FAM180B: variants seen among roughly 807,000 people sequenced by gnomAD.
FAM180B encodes the protein family with sequence similarity 180 member B.
FAM180B carries 14 observed loss-of-function variants against 13.6 expected under a neutral mutation model. The ratio of observed to expected loss-of-function variants is 1.03; its 90% CI spans 0.68 to 1.60. The LOEUF (loss-of-function observed/expected upper bound fraction) is 1.60. Ranked by LOEUF, FAM180B falls within the 40% of genes most tolerant of loss-of-function variation. The pLI is 0.00. For synonymous variants in FAM180B, 109 were observed against 97.0 expected, an observed-to-expected ratio of 1.12 and a Z score of -0.72; for missense variants, 212 against 230.4, an observed-to-expected ratio of 0.92 and a Z score of 0.52.
Position 47,588,284 on chromosome 11 carries a change from A to G in FAM180B, c.402A>G (p.Ala134=). The G allele has an allele frequency of 6.5e-7, 1 of 1,537,118 alleles. No homozygotes were observed. Among genetic ancestry groups the G allele is most frequent in the Non-Finnish European group, 8.7e-7 (1 of 1,146,876 alleles). Residue 134 remains alanine, a synonymous_variant, in exon 3 of 3, where the codon GCA becomes GCG. Coordinates refer to ENST00000538490, the MANE Select transcript of FAM180B (RefSeq NM_001164379.3). ...TGLSCVYRLH[A]ASEAEERGRW... ...TGTCCTGCGTCTACCGGCTCCACGC[A>G]GCTAGTGAGGCTGAGGAACGGGGCC...
rs2097273061 is a variant in FAM180B at position 47,588,503 on chromosome 11, C to T, written c.*69C>T. 1 of 717,494 alleles carries T rather than the reference C, an allele frequency of 1.4e-6. No individual in the cohort carries two copies. The highest frequency in any genetic ancestry group is 2.3e-6 in the Non-Finnish European group (1 of 443,174). The allele number at this position is 717,494 out of a possible 1,614,324, so 44.4% of individuals were successfully genotyped here. The stretch of plus-strand genomic sequence containing the variant: ...TCCTCCTCAACCCCCCAGGCAGACC[C>T]ATCTTGCGCAGGGGCTTCTGTCTGG... On this transcript the variant is annotated 3_prime_UTR_variant, in exon 3 of 3. Coordinates refer to ENST00000538490, the MANE Select transcript of FAM180B (RefSeq NM_001164379.3).
At position 47,588,350 on chromosome 11, in the gene FAM180B, C is replaced by A. The variant is rs766910815; in HGVS notation, c.468C>A (p.Leu156=). 211 of 1,536,600 alleles carry A rather than the reference C, an allele frequency of 1.4e-4. No homozygotes were observed. The highest frequency in any genetic ancestry group is 1.8e-4 in the Non-Finnish European group (201 of 1,146,510). Residue 156 remains leucine, a synonymous_variant, in exon 3 of 3, where the codon CTC becomes CTA. Transcript: ENST00000538490. ...QVFALLAQET[L]WDLCKGFCPQ... Reference sequence around the variant, plus strand: ...TCGCTCTCCTGGCACAGGAAACACTCTGGGACCTGTGCAAAGGTTTCTGCC... The same window carrying A: ...TCGCTCTCCTGGCACAGGAAACACTATGGGACCTGTGCAAAGGTTTCTGCC...
rs184213461 is a variant in FAM180B, at chr11:47,588,314, G to A, written c.432G>A (p.Trp144Ter). 3 of 1,537,084 alleles carry A rather than the reference G, an allele frequency of 2.0e-6. No homozygotes were observed. The African/African-American group carries it at 4.1e-5, about 21-fold the overall frequency. ...GTGAGGCTGAGGAACGGGGCCGCTG[G>A]GCCCAGGTCTTCGCTCTCCTGGCAC... is the stretch of plus-strand genomic sequence containing the variant. Reference protein sequence around the residue: ...AASEAEERGRWAQVFALLAQE... With the variant: ...AASEAEERGR Residue 144 changes from tryptophan to a stop codon, truncating the protein, a stop_gained, in exon 3 of 3, where the codon TGG (tryptophan) becomes TGA (stop). Transcript: ENST00000538490. LOFTEE classifies it high-confidence loss of function.
Position 47,588,140 on chromosome 11 carries a change from G to C in FAM180B, c.258G>C (p.Leu86=). 1 of 1,537,206 alleles carries C rather than the reference G, an allele frequency of 6.5e-7. No homozygotes were observed. Among genetic ancestry groups the C allele is most frequent in the East Asian group, 2.4e-5 (1 of 40,914 alleles). ...CAGGCCGCCGACTCAGACTCCTCCT[G>C]CAGCACCACGTGCCCAGTGACTTGG... ...THPGRRLRLL[L]QHHVPSDLEG... Residue 86 remains leucine (L), a synonymous_variant, in exon 3 of 3, where the codon CTG becomes CTC. Coordinates refer to ENST00000538490, the MANE Select transcript of FAM180B (RefSeq NM_001164379.3).
At chr11:47,587,690 G>C (rs1401105645) in intron 1 of FAM180B, 61 bp from the exon 2 acceptor site, 1 of 1,243,022 alleles carries the variant, frequency 8.0e-7, no homozygotes, top group Non-Finnish European at 1.1e-6. Context: ...GGGCACTTCT[G>C]GGAGGCTGGG....
rs1565946672 is a variant in FAM180B, at chr11:47,588,723, T to TGA, written c.*290_*291insAG. 5.1e-6 allele frequency: 1 copy of TGA among 196,894 alleles called. No individual in the cohort carries two copies. The highest frequency in any genetic ancestry group is 9.6e-6 in the Non-Finnish European group (1 of 103,940). The allele number at this position is 196,894 out of a possible 1,614,324, so 12.2% of individuals were successfully genotyped here. On this transcript the variant is annotated 3_prime_UTR_variant, in exon 3 of 3. Transcript: ENST00000538490. ...CTTGCAGGCAGTGTGTGTGTGAGTG[T>TGA]GTGTGTGTGTGTGTGTGTGTGTGTG...
rs1050833039 is a variant in FAM180B, at chr11:47,588,739, T to A, written c.*305T>A. 1.2e-4 allele frequency: 32 copies of A among 269,906 alleles called. No individual in the cohort carries two copies. The highest frequency in any genetic ancestry group is 2.0e-4 in the Non-Finnish European group (29 of 146,144). 16.7% of individuals were successfully genotyped at this position (269,906 alleles called of 1,614,324 possible). A position where few individuals can be genotyped will look rare whatever the true frequency, so the allele number is the denominator to read the frequency against. On this transcript the variant is annotated 3_prime_UTR_variant, in exon 3 of 3. Coordinates refer to ENST00000538490, the MANE Select transcript of FAM180B (RefSeq NM_001164379.3). Reference sequence around the variant, plus strand: ...GTGTGAGTGTGTGTGTGTGTGTGTGTGTGTGTGTGTGTGTGTGGAGATCAG... The same window carrying A: ...GTGTGAGTGTGTGTGTGTGTGTGTGAGTGTGTGTGTGTGTGTGGAGATCAG...
Position 47,586,844 on chromosome 11 carries a change from C to T in FAM180B, c.76C>T (p.Pro26Ser), listed in dbSNP as rs1362694937. 1 of 1,536,162 alleles carries T rather than the reference C, an allele frequency of 6.5e-7. No individual in the cohort carries two copies. The highest frequency in any genetic ancestry group is 8.7e-7 in the Non-Finnish European group (1 of 1,146,030). ...CCTCTCTGGTGTGACTACAACCCAG[C>T]CCCATGCAGGTACCAGGCTTCAGGG... The part of the protein sequence containing the change: ...CLLSGVTTTQ[P>S]HAGQPMDSTS... The change falls in exon 1 of 3, where the codon CCC becomes TCC. Residue 26 changes from proline (P) to serine (S), a missense_variant. Transcript: ENST00000538490.
Position 47,588,318 on chromosome 11 carries a change from C to G in FAM180B, c.436C>G (p.Gln146Glu), listed in dbSNP as rs1351821731. Residue 146 changes from glutamine to glutamate, a missense_variant, in exon 3 of 3, where the codon CAG becomes GAG. Coordinates refer to ENST00000538490, the MANE Select transcript of FAM180B (RefSeq NM_001164379.3). ...GGCTGAGGAACGGGGCCGCTGGGCC[C>G]AGGTCTTCGCTCTCCTGGCACAGGA... ...SEAEERGRWA[Q>E]VFALLAQETL... is the part of the protein sequence containing the mutation. 2 of 1,537,100 alleles carry G rather than the reference C, an allele frequency of 1.3e-6. No individual in the cohort carries two copies. The highest frequency in any genetic ancestry group is 1.7e-6 in the Non-Finnish European group (2 of 1,146,830).
intron 1 of FAM180B, among the ~76,000 whole-genome samples, chr11:47,587,235 C>T (rs557024709): frequency 6.6e-6 from 1 of 151,812 alleles, no homozygotes; most frequent in African/African-American, 2.4e-5. Context: ...TCCCCTGCCC[C>T]GTCCTCCCTG....
chr11:47,588,735 T>A lies in FAM180B; in HGVS notation c.*301T>A, dbSNP rs1046902441. 18 of 273,846 alleles carry A rather than the reference T, an allele frequency of 6.6e-5. 1 individual carries two copies. Among genetic ancestry groups the A allele is most frequent in the African/African-American group, 1.8e-4 (8 of 45,266 alleles). The allele number at this position is 273,846 out of a possible 1,614,324, so 17.0% of individuals were successfully genotyped here. On this transcript the variant is annotated 3_prime_UTR_variant, in exon 3 of 3. Coordinates refer to ENST00000538490, the MANE Select transcript of FAM180B (RefSeq NM_001164379.3). ...GTGTGTGTGAGTGTGTGTGTGTGTG[T>A]GTGTGTGTGTGTGTGTGTGTGGAGA...
In FAM180B at chr11:47,588,717, TGA is replaced by T. The variant is rs146171408; in HGVS notation, c.*285_*286del. On this transcript the variant is annotated 3_prime_UTR_variant, in exon 3 of 3. Coordinates refer to ENST00000538490, the MANE Select transcript of FAM180B (RefSeq NM_001164379.3). ...GCACGACTTGCAGGCAGTGTGTGTG[TGA>T]GTGTGTGTGTGTGTGTGTGTGTGTG... The T allele has an allele frequency of 1.6e-4, 21 of 130,068 alleles. No homozygotes were observed. Among genetic ancestry groups the T allele is most frequent in the East Asian group, 1.2e-3 (9 of 7,318 alleles). 8.1% of individuals were successfully genotyped at this position (130,068 alleles called of 1,614,324 possible). A position where few individuals can be genotyped will look rare whatever the true frequency, so the allele number is the denominator to read the frequency against.
chr11:47,588,516 G>T lies in FAM180B; in HGVS notation c.*82G>T. The T allele has an allele frequency of 1.5e-6, 1 of 668,744 alleles. No homozygotes were observed. Among genetic ancestry groups the T allele is most frequent in the Non-Finnish European group, 2.5e-6 (1 of 401,944 alleles). 41.4% of individuals were successfully genotyped at this position (668,744 alleles called of 1,614,324 possible). ...CCCAGGCAGACCCATCTTGCGCAGGGGCTTCTGTCTGGCATCTGATTCTTT... is the reference window on the plus strand; with the variant it reads ...CCCAGGCAGACCCATCTTGCGCAGGTGCTTCTGTCTGGCATCTGATTCTTT... On this transcript the variant is annotated 3_prime_UTR_variant, in exon 3 of 3. Coordinates refer to ENST00000538490, the MANE Select transcript of FAM180B (RefSeq NM_001164379.3).
In FAM180B at chr11:47,588,355, A is replaced by G; in HGVS notation, c.473A>G (p.Asp158Gly). ...CTCCTGGCACAGGAAACACTCTGGG[A>G]CCTGTGCAAAGGTTTCTGCCCCCAG... Reference protein sequence around the residue: ...FALLAQETLWDLCKGFCPQDR... With the variant: ...FALLAQETLWGLCKGFCPQDR... The change falls in exon 3 of 3, where the codon GAC (aspartate) becomes GGC (glycine). Residue 158 changes from aspartate to glycine, a missense_variant. Physicochemically the swap from Asp to Gly is moderately conservative, Grantham distance 94 (BLOSUM62 -1). Transcript: ENST00000538490. 1.3e-6 allele frequency: 2 copies of G among 1,536,276 alleles called. No homozygotes were observed. Among genetic ancestry groups the G allele is most frequent in the Non-Finnish European group, 1.7e-6 (2 of 1,146,316 alleles).
At position 47,588,587 on chromosome 11, in the gene FAM180B, CCT is replaced by C. The variant is rs924677795; in HGVS notation, c.*158_*159del. On this transcript the variant is annotated 3_prime_UTR_variant, in exon 3 of 3. Coordinates refer to ENST00000538490, the MANE Select transcript of FAM180B (RefSeq NM_001164379.3). ...GGCTTGGCTTGCACCCTGGACACCC[CCT>C]CTCTGCTTACCCCGACCAGATCTTG... The C allele has an allele frequency of 1.6e-5, 9 of 568,516 alleles. No homozygotes were observed. Among genetic ancestry groups the C allele is most frequent in the Non-Finnish European group, 2.8e-5 (9 of 321,138 alleles). The allele number at this position is 568,516 out of a possible 1,614,324, so 35.2% of individuals were successfully genotyped here. A position where few individuals can be genotyped will look rare whatever the true frequency, so the allele number is the denominator to read the frequency against.
chr11:47,587,662 C>T (rs2097272341), intron 1 of FAM180B, 89 bp from the exon 2 acceptor site: 2 of 882,156 alleles, frequency 2.3e-6, no homozygotes, highest in Admixed American at 3.1e-5. Context: ...CACTCGGGAC[C>T]TCTACCAGGC....
At chr11:47,587,278 C>T (rs2097272101) in intron 1 of FAM180B, among the ~76,000 whole-genome samples, 1 of 152,166 alleles carries the variant, frequency 6.6e-6, no homozygotes, top group Non-Finnish European at 1.5e-5. Flanking sequence ...TCCTCCCTGC[C>T]CTGTCTTCCT....
In FAM180B at chr11:47,588,249, C is replaced by T; in HGVS notation, c.367C>T (p.Leu123Phe). Residue 123 changes from leucine (L) to phenylalanine (F), a missense_variant, in exon 3 of 3, where the codon CTC becomes TTC. Coordinates refer to ENST00000538490, the MANE Select transcript of FAM180B (RefSeq NM_001164379.3). ...LSTWDFEHLL[L>F]TGLSCVYRLH... ...CACTTGGGACTTTGAACATCTGCTC[C>T]TCACAGGCCTGTCCTGCGTCTACCG... 2.0e-6 allele frequency: 3 copies of T among 1,536,970 alleles called. No individual in the cohort carries two copies. The highest frequency in any genetic ancestry group is 1.4e-5 in the African/African-American group (1 of 73,146).
Position 47,587,757 on chromosome 11 carries a change from C to A in FAM180B, c.92C>A (p.Pro31His). The A allele has an allele frequency of 6.5e-7, 1 of 1,530,252 alleles. No individual in the cohort carries two copies. Among genetic ancestry groups the A allele is most frequent in the Non-Finnish European group, 8.7e-7 (1 of 1,143,308 alleles). The allele number at this position is 1,530,252 out of a possible 1,614,324, so 94.8% of individuals were successfully genotyped here. A position where few individuals can be genotyped will look rare whatever the true frequency, so the allele number is the denominator to read the frequency against. ...CTCCTCTCTGCTGCCCCAGGGCAGC[C>A]CATGGACAGCACCAGCGTGGGAGGT... ...VTTTQPHAGQ[P>H]MDSTSVGGGL... The change falls in exon 2 of 3, where the codon CCC becomes CAC. Residue 31 changes from proline (P) to histidine (H), a missense_variant. Coordinates refer to ENST00000538490, the MANE Select transcript of FAM180B (RefSeq NM_001164379.3).
Sources: gnomAD v4.1 joint callset for allele counts (sites outside exome capture counted in the v4.1 genomes callset) on GRCh38, gnomAD v4.1.1 for gene constraint, MANE v1.5 for transcripts, NCBI Gene and HGNC (gene_info 2026-07-23, HGNC 2026-07-21) for gene names.